LRRTM4: variants seen among roughly 807,000 people sequenced by gnomAD.
LRRTM4 encodes leucine-rich repeat transmembrane neuronal protein 4.
LRRTM4 carries 25 observed loss-of-function variants against 47.6 expected under a neutral mutation model. The observed-to-expected ratio is 0.53, with a 90% CI of 0.38 to 0.73. LRRTM4 has a LOEUF of 0.73. Among genes scored for constraint, LRRTM4 ranks in the 30% least tolerant of loss-of-function variants. LRRTM4 has a pLI of 0.00. For missense variants in LRRTM4, 638 were observed against 713.4 expected, an observed-to-expected ratio of 0.89 and a Z score of 1.20; for synonymous variants, 311 against 269.5, an observed-to-expected ratio of 1.15 and a Z score of -1.51.
chr2:77,002,701 G>C (rs1677477577), intron 3 of LRRTM4, among the ~76,000 whole-genome samples: 1 of 152,034 alleles, frequency 6.6e-6, no homozygotes, highest in Admixed American at 6.6e-5. Context: ...CCTTGCCCTT[G>C]TTGCTTCCTT....
intron 3 of LRRTM4, among the ~76,000 whole-genome samples, chr2:76,982,717 G>C (rs986580448): frequency 4.6e-5 from 7 of 152,046 alleles, no homozygotes; most frequent in Non-Finnish European, 7.4e-5. Flanking sequence ...AGAGATGAAA[G>C]AGAGGCAGGT....
At chr2:77,281,781 G>T (rs1169489130) in intron 3 of LRRTM4, among the ~76,000 whole-genome samples, 3 of 151,792 alleles carry the variant, frequency 2.0e-5, no homozygotes, top group Non-Finnish European at 4.4e-5. Flanking sequence ...AGGAAAACAT[G>T]CAAATAAAGT....
intron 3 of LRRTM4, among the ~76,000 whole-genome samples, chr2:77,193,506 T>A (rs572856977): frequency 2.6e-5 from 4 of 152,112 alleles, no homozygotes; most frequent in African/African-American, 7.2e-5. Context: ...CTTTTTTTTT[T>A]TAACATTATA....
chr2:76,822,579 C>T (rs1671082228), intron 3 of LRRTM4, among the ~76,000 whole-genome samples: 1 of 151,378 alleles, frequency 6.6e-6, no homozygotes, highest in African/African-American at 2.4e-5. Flanking sequence ...GTGAGCTAAA[C>T]CAACATGTAA....
intron 3 of LRRTM4, among the ~76,000 whole-genome samples, chr2:77,072,484 T>A (rs903765076): frequency 4.6e-5 from 7 of 152,090 alleles, no homozygotes; most frequent in African/African-American, 1.7e-4. Flanking sequence ...GATTCCAACA[T>A]ACAATCCTGG....
Position 76,919,829 on chromosome 2 carries a change from A to T in LRRTM4, c.1552-170913T>A, listed in dbSNP as rs1334735257. 2.0e-4 allele frequency among the ~76,000 whole-genome samples: 31 copies of T among 152,298 alleles called. 1 individual carries two copies. The highest frequency in any genetic ancestry group is 7.4e-5 in the Non-Finnish European group (5 of 68,012). On this transcript the variant is annotated intron_variant, in intron 3 of 3. Transcript: ENST00000409884. ...AAAAAGTATATCTTCTGACAGAATTAAGTCTTACATATGACGGGTCTGTCT... is the reference window on the plus strand; with the variant it reads ...AAAAAGTATATCTTCTGACAGAATTTAGTCTTACATATGACGGGTCTGTCT...
chr2:77,380,740 G>A (rs1385294440), intron 3 of LRRTM4, among the ~76,000 whole-genome samples: 1 of 151,558 alleles, frequency 6.6e-6, no homozygotes, highest in Non-Finnish European at 1.5e-5. Context: ...AGGATGTAGT[G>A]AGCCAAGATC....
At chr2:76,945,773 G>GTGTGTT (rs1463454370) in intron 3 of LRRTM4, among the ~76,000 whole-genome samples, 2 of 146,636 alleles carry the variant, frequency 1.4e-5, no homozygotes, top group African/African-American at 5.0e-5. Flanking sequence ...GTGTGTGTGT[G>GTGTGTT]TATGTGTATG....
chr2:77,121,177 C>T (rs1402751945), intron 3 of LRRTM4, among the ~76,000 whole-genome samples: 1 of 151,770 alleles, frequency 6.6e-6, no homozygotes, highest in Admixed American at 6.6e-5. Flanking sequence ...TGCAACATTT[C>T]ATTTAATGCT....
intron 3 of LRRTM4, chr2:77,517,017 A>G: frequency 1.0e-6 from 1 of 984,862 alleles, no homozygotes; most frequent in Non-Finnish European, 1.2e-6. Context: ...GTGATCATCT[A>G]AAATCAGATA....
chr2:77,202,730 G>T, intron 3 of LRRTM4, among the ~76,000 whole-genome samples: 1 of 151,656 alleles, frequency 6.6e-6, no homozygotes, highest in East Asian at 1.9e-4. Flanking sequence ...GCCAGTTCCA[G>T]GAAGCTGTTA....
chr2:77,518,276 TC>T (rs1392746635), intron 3 of LRRTM4, 41 bp downstream of exon 3: 1 of 1,511,702 alleles, frequency 6.6e-7, no homozygotes, highest in Non-Finnish European at 8.8e-7. Context: ...TACCTCTCCT[TC>T]CCCGCAGTAG....
At chr2:77,180,387 A>G (rs1673315456) in intron 3 of LRRTM4, among the ~76,000 whole-genome samples, 1 of 152,220 alleles carries the variant, frequency 6.6e-6, no homozygotes, top group Non-Finnish European at 1.5e-5. Flanking sequence ...TATATTTTGT[A>G]TACTTTAAAG....
intron 3 of LRRTM4, among the ~76,000 whole-genome samples, chr2:76,796,802 G>C (rs1675353343): frequency 6.6e-6 from 1 of 151,858 alleles, no homozygotes; most frequent in Non-Finnish European, 1.5e-5. Context: ...CAGAACGAAT[G>C]ACTTTGACAA....
chr2:76,920,474 A>G (rs1211835968), intron 3 of LRRTM4, among the ~76,000 whole-genome samples: 2 of 152,132 alleles, frequency 1.3e-5, no homozygotes, highest in African/African-American at 4.8e-5. Context: ...CACTTGTGTG[A>G]AAGTCTGACA....
intron 3 of LRRTM4, among the ~76,000 whole-genome samples, chr2:77,151,266 G>A (rs567100173): frequency 2.0e-5 from 3 of 151,936 alleles, no homozygotes; most frequent in Non-Finnish European, 4.4e-5. Context: ...TAGACTCCTC[G>A]AATTTATTCA....
intron 3 of LRRTM4, among the ~76,000 whole-genome samples, chr2:77,312,927 G>T (rs568187614): frequency 6.6e-6 from 1 of 152,302 alleles, no homozygotes; most frequent in South Asian, 2.1e-4. Context: ...TCTGGGAACA[G>T]AGGGAAAACA....
At chr2:77,083,209 C>CA (rs1680587833) in intron 3 of LRRTM4, among the ~76,000 whole-genome samples, 1 of 152,116 alleles carries the variant, frequency 6.6e-6, no homozygotes, top group Non-Finnish European at 1.5e-5. Flanking sequence ...ACAAAGGCTA[C>CA]AAAATGCAGG....
intron 3 of LRRTM4, among the ~76,000 whole-genome samples, chr2:76,863,170 C>T (rs781565029): frequency 5.9e-5 from 9 of 152,000 alleles, no homozygotes; most frequent in East Asian, 1.9e-4. Flanking sequence ...TAAAATTTTA[C>T]GGAGAGAGAA....
Sources: allele counts gnomAD v4.1 joint callset (sites outside exome capture counted in the v4.1 genomes callset), GRCh38; gene constraint gnomAD v4.1.1; transcripts MANE v1.5; gene names NCBI Gene and HGNC (gene_info 2026-07-23, HGNC 2026-07-21).